TAPBPL: variants seen among roughly 807,000 people sequenced by gnomAD.
TAPBPL encodes tapasin-related protein.
Under a neutral mutation model 44.8 loss-of-function variants are expected in TAPBPL, and 32 were observed. The observed-to-expected ratio is 0.71, with a 90% CI of 0.54 to 0.96. The LOEUF (loss-of-function observed/expected upper bound fraction) is 0.96, where lower values mean the gene tolerates loss of function less well. Ranked by LOEUF, TAPBPL falls within the 40% of genes least tolerant of loss-of-function variation. The probability of loss-of-function intolerance (pLI) is 0.00; values close to 1 mark genes in which losing one functional copy is unlikely to be tolerated. For missense variants in TAPBPL, 520 were observed against 586.6 expected (o/e 0.89, Z 1.17); for synonymous variants, 230 against 240.7 (o/e 0.96, Z 0.41).
At chr12:6,467,030 C>G, downstream of TAPBPL, 1 of 174,926 alleles carries the variant, frequency 5.7e-6, no homozygotes, top group Non-Finnish European at 1.2e-5. Context: ...TCCACATTTT[C>G]TCTTGCTGCT....
downstream of TAPBPL, chr12:6,465,419 T>TATATATAAATGTATATATATGTATAC (rs1565526293): frequency 1.1e-4 from 11 of 103,170 alleles, no homozygotes; most frequent in African/African-American, 4.3e-4. Flanking sequence ...TATATGTATA[T>TATATATAAATGTATATATATGTATAC]ATATATATAA....
intron 1 of TAPBPL, chr12:6,452,601 A>G (rs1384113962): frequency 2.6e-5 from 35 of 1,329,648 alleles, no homozygotes; most frequent in Admixed American, 3.6e-5. Context: ...ACACTTCAGA[A>G]GAGGAAAGGA....
At chr12:6,451,981 A>C (rs1211640130), upstream of TAPBPL, 1 of 531,986 alleles carries the variant, frequency 1.9e-6, no homozygotes, top group East Asian at 3.4e-5. Flanking sequence ...TCACCAGGGG[A>C]TTTCCGGGTG....
At chr12:6,461,423 G>A (rs1565521415) in intron 6 of TAPBPL, 3 of 1,001,112 alleles carry the variant, frequency 3.0e-6, no homozygotes, top group African/African-American at 3.5e-5. Flanking sequence ...AACAAAGCTG[G>A]AGGAAATGGA....
intron 3 of TAPBPL, among the ~76,000 whole-genome samples, chr12:6,457,167 T>C (rs572566073): frequency 1.3e-5 from 2 of 152,352 alleles, no homozygotes; most frequent in Admixed American, 6.5e-5. Context: ...GGGAGATCCA[T>C]AGCTTTCACT....
chr12:6,462,591 C>T, downstream of TAPBPL: 1 of 583,066 alleles, frequency 1.7e-6, no homozygotes. Flanking sequence ...GCTAATACCC[C>T]CAAAGAACAA....
Position 6,457,762 on chromosome 12 carries a change from T to C in TAPBPL, c.904+18T>C. 1 of 1,549,634 alleles carries C rather than the reference T, an allele frequency of 6.5e-7. No individual in the cohort carries two copies. The highest frequency in any genetic ancestry group is 8.8e-7 in the Non-Finnish European group (1 of 1,142,620). On this transcript the variant is annotated intron_variant, in intron 4 of 6. Coordinates refer to ENST00000266556, the MANE Select transcript of TAPBPL (RefSeq NM_018009.5). Reference sequence around the variant, plus strand: ...CATCCAAGGTGAGGCCAGGACATGGTTATCCCAGGGAAGGGGATATAACAT... The same window carrying C: ...CATCCAAGGTGAGGCCAGGACATGGCTATCCCAGGGAAGGGGATATAACAT...
intron 5 of TAPBPL, among the ~76,000 whole-genome samples, 169 bp from the exon 6 acceptor site, chr12:6,460,686 A>C (rs1949832164): frequency 6.6e-6 from 1 of 152,236 alleles, no homozygotes; most frequent in Admixed American, 6.5e-5. Flanking sequence ...AGTATCCAGC[A>C]ACCTTGAATA....
chr12:6,452,302 A>C lies in TAPBPL; in HGVS notation c.54A>C (p.Ala18=). Residue 18 remains alanine, a synonymous_variant, in exon 1 of 7, where the codon GCA becomes GCC. Coordinates refer to ENST00000266556, the MANE Select transcript of TAPBPL (RefSeq NM_018009.5). ...CLLLCLALSG[A]AETKPHPAEG... Reference sequence around the variant, plus strand: ...TGCTCTGCCTGGCTCTATCTGGAGCAGCAGAAACCAGTGAGTCTGGGAGTC... The same window carrying C: ...TGCTCTGCCTGGCTCTATCTGGAGCCGCAGAAACCAGTGAGTCTGGGAGTC... 6.4e-7 allele frequency: 1 copy of C among 1,574,678 alleles called. No homozygotes were observed. The highest frequency in any genetic ancestry group is 8.6e-7 in the Non-Finnish European group (1 of 1,160,570).
Position 6,453,005 on chromosome 12 carries a change from A to C in TAPBPL, c.65-62A>C, listed in dbSNP as rs1949599857. 6.7e-7 allele frequency: 1 copy of C among 1,483,552 alleles called. No individual in the cohort carries two copies. The highest frequency in any genetic ancestry group is 1.4e-5 in the African/African-American group (1 of 72,060). The allele number at this position is 1,483,552 out of a possible 1,614,324, so 91.9% of individuals were successfully genotyped here. A position where few individuals can be genotyped will look rare whatever the true frequency, so the allele number is the denominator to read the frequency against. On this transcript the variant is annotated intron_variant, in intron 1 of 6. Transcript: ENST00000266556. The surrounding 1 kb of genome is among the most constrained non-coding windows in gnomAD (Gnocchi z 4.8). ...GACTCCACAGCTTGAGGGCGGGGGC[A>C]GGAAGCAAGTGTGGAGTAGCTTTCT...
downstream of TAPBPL, chr12:6,466,156 A>G: frequency 2.5e-6 from 4 of 1,608,776 alleles, no homozygotes; most frequent in East Asian, 2.2e-5. Flanking sequence ...AGGAGAAAAG[A>G]TAAGAAGTTC....
chr12:6,465,744 T>G (rs1025870196), downstream of TAPBPL: 2 of 1,476,842 alleles, frequency 1.4e-6, no homozygotes, highest in Admixed American at 3.8e-5. Context: ...AGAGAGATCC[T>G]GCACCATTAG....
Position 6,457,561 on chromosome 12 carries a change from T to C in TAPBPL, c.721T>C (p.Trp241Arg). 6.2e-7 allele frequency: 1 copy of C among 1,614,208 alleles called. No homozygotes were observed. The highest frequency in any genetic ancestry group is 8.5e-7 in the Non-Finnish European group (1 of 1,180,038). ...HKGRGQLVYS[W>R]TAGQGQAVRK... ...GGGCAGGGGTCAGTTGGTGTACAGC[T>C]GGACCGCAGGGCAGGGGCAGGCTGT... The change falls in exon 4 of 7, where the codon TGG becomes CGG. Residue 241 changes from tryptophan to arginine, a missense_variant. Trp to Arg is a moderately radical substitution (Grantham distance 101). Coordinates refer to ENST00000266556, the MANE Select transcript of TAPBPL (RefSeq NM_018009.5).
At position 6,462,305 on chromosome 12, in the gene TAPBPL, C is replaced by A; in HGVS notation, c.*156C>A. The A allele has an allele frequency of 1.7e-6, 1 of 605,654 alleles. No homozygotes were observed. Among genetic ancestry groups the A allele is most frequent in the South Asian group, 2.1e-5 (1 of 48,214 alleles). 37.5% of individuals were successfully genotyped at this position (605,654 alleles called of 1,614,324 possible). On this transcript the variant is annotated 3_prime_UTR_variant, in exon 7 of 7. Coordinates refer to ENST00000266556, the MANE Select transcript of TAPBPL (RefSeq NM_018009.5). ...ATGACATTGGTAAATATGCCACATGCCTTTGGTGGAAGTACAACTGTTGTT... is the reference window on the plus strand; with the variant it reads ...ATGACATTGGTAAATATGCCACATGACTTTGGTGGAAGTACAACTGTTGTT...
chr12:6,470,781 C>T, downstream of TAPBPL: 1 of 574,688 alleles, frequency 1.7e-6, no homozygotes, highest in South Asian at 2.1e-5. Flanking sequence ...TCGCCCAGCG[C>T]TACAGGCCTA....
intron 1 of TAPBPL, 109 bp downstream of exon 1, chr12:6,452,421 C>A: frequency 6.8e-7 from 1 of 1,469,270 alleles, no homozygotes; most frequent in Admixed American, 2.5e-5. Context: ...ATGACCCCAT[C>A]GCCTTCTAAG....
intron 6 of TAPBPL, chr12:6,461,502 C>A: frequency 2.0e-6 from 2 of 978,006 alleles, no homozygotes; most frequent in Non-Finnish European, 2.4e-6. Context: ...TCAGCTCTGT[C>A]AAAATAAAAG....
chr12:6,465,691 A>T (rs754919589), downstream of TAPBPL: 12 of 1,128,772 alleles, frequency 1.1e-5, no homozygotes, highest in Non-Finnish European at 1.3e-5. Context: ...ATGCAATCTC[A>T]AGAGGAGGCT....
chr12:6,462,267 T>C lies in TAPBPL; in HGVS notation c.*118T>C. 1 of 798,026 alleles carries C rather than the reference T, an allele frequency of 1.3e-6. No homozygotes were observed. The highest frequency in any genetic ancestry group is 2.3e-4 in the Middle Eastern group (1 of 4,274). The allele number at this position is 798,026 out of a possible 1,614,324, so 49.4% of individuals were successfully genotyped here. ...TGGTAGGAATTTGTATTTTTTGCCT[T>C]TGTTCAGAATACATGACATTGGTAA... is the stretch of plus-strand genomic sequence containing the variant. On this transcript the variant is annotated 3_prime_UTR_variant, in exon 7 of 7. Coordinates refer to ENST00000266556, the MANE Select transcript of TAPBPL (RefSeq NM_018009.5).
Sources: gnomAD v4.1 joint callset for allele counts (sites outside exome capture counted in the v4.1 genomes callset) on GRCh38, gnomAD v4.1.1 for gene constraint, Gnocchi (gnomAD v3.1) non-coding constraint, MANE v1.5 for transcripts, NCBI Gene and HGNC (gene_info 2026-07-23, HGNC 2026-07-21) for gene names.